EDRF1: variants seen among roughly 807,000 people sequenced by gnomAD.
EDRF1 encodes erythroid differentiation-related factor 1.
EDRF1 carries 69 observed loss-of-function variants against 148.7 expected under a neutral mutation model. The ratio of observed to expected loss-of-function variants is 0.46; its 90% confidence interval spans 0.38 to 0.57. The LOEUF (loss-of-function observed/expected upper bound fraction) is 0.57, where lower values mean the gene tolerates loss of function less well. Ranked by LOEUF, EDRF1 falls within the 20% of genes least tolerant of loss-of-function variation. The pLI is 0.00. For synonymous variants in EDRF1, 515 were observed against 532.8 expected (o/e 0.97, Z 0.46); for missense variants, 1,118 against 1,478.7 (o/e 0.76, Z 4.00).
At chr10:125,743,303 A>G (rs750468645) in intron 18 of EDRF1, 27 bp downstream of exon 18, 17 of 1,583,020 alleles carry the variant, frequency 1.1e-5, no homozygotes, top group African/African-American at 1.3e-5. Flanking sequence ...ATTCCTCTCT[A>G]TTGCTTGTTC....
Position 125,743,039 on chromosome 10 carries a change from A to G in EDRF1, c.2372-19A>G. On this transcript the variant is annotated intron_variant, in intron 17 of 24. Transcript: ENST00000356792. ...GGAATCACATGATTCGCATTGATGT[A>G]TCCCTTTTTTCTTTTCAGGATTTGC... 1 of 1,612,320 alleles carries G rather than the reference A, an allele frequency of 6.2e-7. No individual in the cohort carries two copies. Among genetic ancestry groups the G allele is most frequent in the African/African-American group, 1.3e-5 (1 of 74,996 alleles).
intron 6 of EDRF1, among the ~76,000 whole-genome samples, chr10:125,726,126 A>G (rs1224181404): frequency 1.3e-5 from 2 of 152,094 alleles, no homozygotes; most frequent in African/African-American, 4.8e-5. Context: ...CCTTCAAGTG[A>G]TGAGTATTAT....
chr10:125,729,004 G>A lies in EDRF1; in HGVS notation c.794G>A (p.Gly265Glu). 1 of 1,574,990 alleles carries A rather than the reference G, an allele frequency of 6.3e-7. No individual in the cohort carries two copies. Among genetic ancestry groups the A allele is most frequent in the African/African-American group, 1.3e-5 (1 of 74,582 alleles). The change falls in exon 7 of 25, where the codon GGA becomes GAA. Residue 265 changes from glycine (G) to glutamate (E), a missense_variant and splice_region_variant. Around this residue, in one of 3 missense-constraint regions of EDRF1, gnomAD observed 954 missense variants for 1,241.4 expected, o/e 0.77. Transcript: ENST00000356792. ...VSEDPSASSQ[G>E]SEPLEPSYIV... is the part of the protein sequence containing the mutation. Reference sequence around the variant, plus strand: ...TCCTTATCCTTGCACTTTTCACAGGGAAGTGAGCCTCTTGAACCCTCATAC... The same window carrying A: ...TCCTTATCCTTGCACTTTTCACAGGAAAGTGAGCCTCTTGAACCCTCATAC...
chr10:125,758,780 C>T (rs1850047776), intron 24 of EDRF1, among the ~76,000 whole-genome samples: 1 of 152,122 alleles, frequency 6.6e-6, no homozygotes, highest in African/African-American at 2.4e-5. Context: ...TGCCTTTTCG[C>T]CTGTTTGGGA....
chr10:125,736,773 G>A (rs1185047985), intron 13 of EDRF1, among the ~76,000 whole-genome samples: 1 of 151,626 alleles, frequency 6.6e-6, no homozygotes, highest in South Asian at 2.1e-4. Context: ...CTTCTGCTTG[G>A]AATGTACCTA....
rs766692212 is a variant in EDRF1, at chr10:125,747,969, A to G, written c.3080A>G (p.His1027Arg). The G allele has an allele frequency of 1.9e-6, 3 of 1,614,234 alleles. No homozygotes were observed. Among genetic ancestry groups the G allele is most frequent in the Non-Finnish European group, 2.5e-6 (3 of 1,180,038 alleles). The change falls in exon 21 of 25, where the codon CAT becomes CGT. Residue 1027 changes from histidine (H) to arginine (R), a missense_variant. His to Arg is a conservative substitution (Grantham distance 29). This residue lies in a region of EDRF1 where 954 missense variants were observed against 1,241.4 expected (regional missense o/e 0.77). Transcript: ENST00000356792. ...TGTCAGTATCGAGCTGCAACCATCC[A>G]TCACAGGCTGGCCTCCATGTACCAC... Reference protein sequence around the residue: ...PLCQYRAATIHHRLASMYHSC... With the variant: ...PLCQYRAATIRHRLASMYHSC...
chr10:125,734,220 T>A lies in EDRF1; in HGVS notation c.1497+37T>A, dbSNP rs925138729. 16 of 1,467,276 alleles carry A rather than the reference T, an allele frequency of 1.1e-5. 1 individual carries two copies. In the African/African-American group the frequency reaches 2.1e-4, roughly 19 times the overall value. 90.9% of individuals were successfully genotyped at this position (1,467,276 alleles called of 1,614,324 possible). A position where few individuals can be genotyped will look rare whatever the true frequency, so the allele number is the denominator to read the frequency against. ...ATTTATGTATTCTCTAAAACAATCC[T>A]AGCATTCTAATAGGAGATTGTTACC... On this transcript the variant is annotated intron_variant, in intron 12 of 24. Transcript: ENST00000356792.
chr10:125,721,148 T>G, intron 1 of EDRF1, 56 bp from the exon 2 acceptor site: 164 of 1,546,348 alleles, frequency 1.1e-4, no homozygotes, highest in Non-Finnish European at 1.4e-4. Flanking sequence ...TTTATAAAGG[T>G]GAGATTTTTC....
At chr10:125,739,174 T>C (rs1468762939) in intron 15 of EDRF1, among the ~76,000 whole-genome samples, 4 of 152,002 alleles carry the variant, frequency 2.6e-5, no homozygotes, top group Non-Finnish European at 4.4e-5. Context: ...ATCTGAATCA[T>C]AGTGGAAGCG....
intron 12 of EDRF1, among the ~76,000 whole-genome samples, chr10:125,734,395 G>A (rs1848630536): frequency 1.3e-5 from 2 of 152,010 alleles, no homozygotes; most frequent in African/African-American, 4.8e-5. Flanking sequence ...TTTGAAGATT[G>A]GATGTCTGTA....
chr10:125,745,073 G>T (rs1849273610), intron 18 of EDRF1, among the ~76,000 whole-genome samples: 1 of 152,172 alleles, frequency 6.6e-6, no homozygotes, highest in Non-Finnish European at 1.5e-5. Flanking sequence ...GTGACTAATG[G>T]GTGGGCCGTG....
intron 24 of EDRF1, chr10:125,761,224 T>G: frequency 2.4e-6 from 1 of 409,174 alleles, no homozygotes; most frequent in South Asian, 1.9e-5. Flanking sequence ...GTTTTCATTT[T>G]CAGGTGATGC....
At chr10:125,727,704 A>T (rs1450583332) in intron 6 of EDRF1, among the ~76,000 whole-genome samples, 1 of 152,244 alleles carries the variant, frequency 6.6e-6, no homozygotes, top group Non-Finnish European at 1.5e-5. Flanking sequence ...TGCCAAGCCT[A>T]CTGGCACACA....
At chr10:125,742,260 C>T (rs1302075569) in intron 17 of EDRF1, 8 of 1,289,234 alleles carry the variant, frequency 6.2e-6, no homozygotes, top group African/African-American at 1.5e-5. Flanking sequence ...TCCGCAGCAG[C>T]GATATCCCTC....
intron 6 of EDRF1, among the ~76,000 whole-genome samples, chr10:125,727,253 A>G (rs1329882978): frequency 6.6e-6 from 1 of 152,188 alleles, no homozygotes; most frequent in Admixed American, 6.5e-5. Flanking sequence ...TCATCGTAGT[A>G]GTGGTGTATC....
At chr10:125,741,297 G>C in intron 17 of EDRF1, 96 bp downstream of exon 17, 1 of 1,108,340 alleles carries the variant, frequency 9.0e-7, no homozygotes, top group Non-Finnish European at 1.4e-6. Flanking sequence ...AAATATTAGA[G>C]TTTTGATATT....
At chr10:125,747,149 GAT>G (rs1438300324) in intron 19 of EDRF1, 1 of 205,512 alleles carries the variant, frequency 4.9e-6, no homozygotes, top group Non-Finnish European at 9.9e-6. Context: ...GGTAGGAGGA[GAT>G]ACTTCTTTTT....
At position 125,733,716 on chromosome 10, in the gene EDRF1, C is replaced by T. The variant is rs1050614604; in HGVS notation, c.1358C>T (p.Thr453Ile). ...GAAGACAAATACCAAAATCCATTCA[C>T]AATGCCGGTAGCCATTCTCTTGTAC... ...ETEDKYQNPFTMPVAILLYKV... is the reference protein window; with the variant it reads ...ETEDKYQNPFIMPVAILLYKV... The change falls in exon 11 of 25, where the codon ACA (threonine) becomes ATA (isoleucine). Residue 453 changes from threonine (T) to isoleucine (I), a missense_variant. Physicochemically the swap from Thr to Ile is moderately conservative, Grantham distance 89. This residue lies in a region of EDRF1 where 954 missense variants were observed against 1,241.4 expected (regional missense o/e 0.77). Coordinates refer to ENST00000356792, the MANE Select transcript of EDRF1 (RefSeq NM_001202438.2). The T allele has an allele frequency of 6.2e-6, 10 of 1,613,198 alleles. No individual in the cohort carries two copies. In the African/African-American group the frequency reaches 1.2e-4, roughly 19 times the overall value.
In EDRF1 at chr10:125,747,990, A is replaced by G; in HGVS notation, c.3101A>G (p.Tyr1034Cys). 4 of 1,614,220 alleles carry G rather than the reference A, an allele frequency of 2.5e-6. No individual in the cohort carries two copies. The highest frequency in any genetic ancestry group is 3.4e-6 in the Non-Finnish European group (4 of 1,180,042). ...ATCCATCACAGGCTGGCCTCCATGT[A>G]CCACAGCTGTCTGAGGAATCAGGTA... The part of the protein sequence containing the change: ...ATIHHRLASM[Y>C]HSCLRNQVGD... Residue 1034 changes from tyrosine to cysteine, a missense_variant, in exon 21 of 25, where the codon TAC becomes TGC. Physicochemically the swap from Tyr to Cys is radical, Grantham distance 194. Coordinates refer to ENST00000356792, the MANE Select transcript of EDRF1 (RefSeq NM_001202438.2).
Sources: gnomAD v4.1 joint callset for allele counts (sites outside exome capture counted in the v4.1 genomes callset) on GRCh38, gnomAD v4.1.1 for gene constraint, gnomAD v4.1.1 regional missense constraint, MANE v1.5 for transcripts, NCBI Gene and HGNC (gene_info 2026-07-23, HGNC 2026-07-21) for gene names.